PKHD1: variants seen among roughly 807,000 people sequenced by gnomAD.
PKHD1 encodes the protein fibrocystin.
PKHD1 carries 291 observed loss-of-function variants against 412.0 expected under a neutral mutation model. That is an observed-to-expected ratio of 0.71 (90% CI 0.64 to 0.78). PKHD1 has a LOEUF of 0.78. Among genes scored for constraint, PKHD1 ranks in the 30% least tolerant of loss-of-function variants. The pLI, the probability that PKHD1 is intolerant of heterozygous loss-of-function variation, is 0.00. For missense variants in PKHD1, 4,825 were observed against 4,950.7 expected (o/e 0.97, Z 0.76); for synonymous variants, 1,777 against 1,821.5 (o/e 0.98, Z 0.62).
At chr6:51,936,230 T>C (rs1270808554) in intron 36 of PKHD1, among the ~76,000 whole-genome samples, 2 of 152,202 alleles carry the variant, frequency 1.3e-5, no homozygotes, top group Admixed American at 1.3e-4. Flanking sequence ...TATTTCCTTA[T>C]ATACAAACAC....
intron 35 of PKHD1, chr6:51,975,854 A>G (rs999668557): frequency 6.6e-6 from 1 of 150,704 alleles, no homozygotes; most frequent in African/African-American, 2.4e-5. Flanking sequence ...CCCAGGTTGG[A>G]AAAAGAGCAG....
In PKHD1 at chr6:51,744,514, C is replaced by T. The variant is rs1274491650; in HGVS notation, c.10027G>A (p.Glu3343Lys). The T allele has an allele frequency of 6.2e-7, 1 of 1,613,234 alleles. No individual in the cohort carries two copies. Among genetic ancestry groups the T allele is most frequent in the South Asian group, 1.1e-5 (1 of 91,076 alleles). ...RKDLGKVVCP[E>K]LDCASPRKYL... is the part of the protein sequence containing the mutation. ...TTTCTTGGACTTGCACAGTCTAATT[C>T]AGGACAGACTACTTTTCCTAAATCT... The change falls in exon 60 of 67, where the codon GAA becomes AAA. Residue 3343 changes from glutamate to lysine, a missense_variant. Coordinates refer to ENST00000371117, the MANE Select transcript of PKHD1 (RefSeq NM_138694.4).
intron 36 of PKHD1, among the ~76,000 whole-genome samples, chr6:51,958,084 G>T (rs905442457): frequency 7.2e-5 from 11 of 152,002 alleles, no homozygotes; most frequent in African/African-American, 2.7e-4. Flanking sequence ...ATTCTTTCTA[G>T]AAGTTATGAC....
At chr6:51,956,305 C>T (rs999643251) in intron 36 of PKHD1, among the ~76,000 whole-genome samples, 61 of 150,344 alleles carry the variant, frequency 4.1e-4, no homozygotes, top group Admixed American at 2.8e-3. Flanking sequence ...CTTATACATA[C>T]GTGTGTGTGT....
chr6:51,823,209 C>T lies in PKHD1; in HGVS notation c.8302+7652G>A, dbSNP rs575827404. ...ACAGAAGGTGCCCAATACGGTCACA[C>T]CTCTGGGAGACTGAGGTGGAGTATT... On this transcript the variant is annotated intron_variant, in intron 52 of 66. Coordinates refer to ENST00000371117, the MANE Select transcript of PKHD1 (RefSeq NM_138694.4). Among the ~76,000 whole-genome samples the T allele has an allele frequency of 7.9e-5, 12 of 152,086 alleles. No homozygotes were observed. The South Asian group carries it at 2.3e-3, about 29-fold the overall frequency.
At chr6:51,967,269 T>G (rs1384878297) in intron 35 of PKHD1, among the ~76,000 whole-genome samples, 1 of 152,168 alleles carries the variant, frequency 6.6e-6, no homozygotes, top group Non-Finnish European at 1.5e-5. Context: ...GTGGCTGCTT[T>G]CAGTTTGTGA....
At chr6:51,634,756 G>A (rs1768324507) in intron 64 of PKHD1, among the ~76,000 whole-genome samples, 2 of 152,140 alleles carry the variant, frequency 1.3e-5, no homozygotes, top group South Asian at 2.1e-4. Flanking sequence ...AACAAAGACA[G>A]AGAGGAGAAA....
chr6:51,795,980 G>T (rs9463717), intron 52 of PKHD1, among the ~76,000 whole-genome samples: 89,798 of 151,924 alleles, frequency 0.59, 27,190 homozygotes, highest in East Asian at 0.83. Context: ...ACCCGAATTT[G>T]TCTTATTGTC....
chr6:51,929,442 T>C (rs1786231430), intron 37 of PKHD1, among the ~76,000 whole-genome samples: 1 of 152,164 alleles, frequency 6.6e-6, no homozygotes, highest in Non-Finnish European at 1.5e-5. Flanking sequence ...ACTTGAGCAA[T>C]TTAAACCTTT....
intron 55 of PKHD1, among the ~76,000 whole-genome samples, chr6:51,757,920 A>G (rs1489918091): frequency 6.6e-6 from 1 of 151,018 alleles, no homozygotes; most frequent in Non-Finnish European, 1.5e-5. Context: ...CTGAGGTGGG[A>G]GGATGGCTTA....
chr6:51,636,361 G>T (rs1186432396), intron 64 of PKHD1, among the ~76,000 whole-genome samples: 2 of 151,926 alleles, frequency 1.3e-5, no homozygotes, highest in African/African-American at 4.8e-5. Context: ...AGCATAGTAA[G>T]ATCCCATCTC....
At chr6:51,667,006 C>T (rs1773926972) in intron 60 of PKHD1, among the ~76,000 whole-genome samples, 2 of 148,984 alleles carry the variant, frequency 1.3e-5, no homozygotes, top group Non-Finnish European at 1.5e-5. Flanking sequence ...AATAAACATA[C>T]GTGTGCATGT....
intron 43 of PKHD1, among the ~76,000 whole-genome samples, chr6:51,899,244 G>A (rs1318734856): frequency 1.3e-5 from 2 of 151,948 alleles, no homozygotes; most frequent in Non-Finnish European, 2.9e-5. Flanking sequence ...TATCCTTGAT[G>A]AACATTGATG....
chr6:51,897,869 C>T (rs1452993014), intron 43 of PKHD1, among the ~76,000 whole-genome samples: 1 of 150,894 alleles, frequency 6.6e-6, no homozygotes, highest in Non-Finnish European at 1.5e-5. Flanking sequence ...CAATCCTAGT[C>T]TCTGATAAAA....
At position 52,046,169 on chromosome 6, in the gene PKHD1, A is replaced by G; in HGVS notation, c.2427T>C (p.Ser809=). 6.2e-7 allele frequency: 1 copy of G among 1,613,338 alleles called. No homozygotes were observed. The change falls in exon 24 of 67, where the codon TCT becomes TCC. Residue 809 remains serine, a synonymous_variant. Coordinates refer to ENST00000371117, the MANE Select transcript of PKHD1 (RefSeq NM_138694.4). ...TVISDVPVQI[S]AHHLHQLLQN... ...GTAAGAGCTGGTGAAGGTGATGAGC[A>G]GAAATTTGTACAGGGACATCTGTGA... is the stretch of plus-strand genomic sequence containing the variant.
chr6:52,017,637 A>G lies in PKHD1; in HGVS notation c.5381-8T>C. The G allele has an allele frequency of 6.2e-7, 1 of 1,608,832 alleles. No homozygotes were observed. Among genetic ancestry groups the G allele is most frequent in the South Asian group, 1.1e-5 (1 of 90,936 alleles). On this transcript the variant is annotated splice_region_variant and splice_polypyrimidine_tract_variant and intron_variant, in intron 33 of 66. Coordinates refer to ENST00000371117, the MANE Select transcript of PKHD1 (RefSeq NM_138694.4). Reference sequence around the variant, plus strand: ...ACAGGAAGGCCAAGGACACTGCAGGAAACAGTCACCATTAGGAAAGAACCA... The same window carrying G: ...ACAGGAAGGCCAAGGACACTGCAGGGAACAGTCACCATTAGGAAAGAACCA...
intron 48 of PKHD1, among the ~76,000 whole-genome samples, chr6:51,865,099 C>G (rs1774843883): frequency 6.6e-6 from 1 of 152,108 alleles, no homozygotes; most frequent in South Asian, 2.1e-4. Flanking sequence ...TCACCAGGAA[C>G]ACTGAGGTTC....
At chr6:51,690,793 A>C in intron 60 of PKHD1, among the ~76,000 whole-genome samples, 1 of 152,224 alleles carries the variant, frequency 6.6e-6, no homozygotes, top group East Asian at 1.9e-4. Context: ...AGCAATTGCA[A>C]CAAAAGCAAA....
intron 4 of PKHD1, among the ~76,000 whole-genome samples, chr6:52,081,940 C>G (rs1362413214): frequency 6.6e-6 from 1 of 152,054 alleles, no homozygotes; most frequent in Non-Finnish European, 1.5e-5. Context: ...AACAGATTCC[C>G]TGGAGTCTTA....
Sources: gnomAD v4.1 joint callset for allele counts (sites outside exome capture counted in the v4.1 genomes callset) on GRCh38, gnomAD v4.1.1 for gene constraint, MANE v1.5 for transcripts, NCBI Gene and HGNC (gene_info 2026-07-23, HGNC 2026-07-21) for gene names.